The following APBB2 variants were observed in gnomAD, a reference collection of about 807,000 sequenced individuals.
APBB2 encodes the protein Fe65-like 1.
APBB2 carries 38 observed loss-of-function variants against 82.5 expected under a neutral mutation model. The observed-to-expected ratio is 0.46, with a 90% CI of 0.36 to 0.60. The LOEUF is 0.60. Among genes scored for constraint, APBB2 ranks in the 20% least tolerant of loss-of-function variants. The pLI is 0.00. For synonymous variants in APBB2, 341 were observed against 368.2 expected, an observed-to-expected ratio of 0.93 and a Z score of 0.85; for missense variants, 772 against 972.3, an observed-to-expected ratio of 0.79 and a Z score of 2.74.
At chr4:41,078,884 T>C (rs992858325) in intron 3 of APBB2, among the ~76,000 whole-genome samples, 7 of 152,190 alleles carry the variant, frequency 4.6e-5, no homozygotes, top group African/African-American at 1.7e-4. Context: ...GAGAGGCACA[T>C]CTCTCAACAT....
chr4:41,166,670 C>T (rs1446760819), intron 1 of APBB2, among the ~76,000 whole-genome samples: 3 of 151,718 alleles, frequency 2.0e-5, no homozygotes, highest in African/African-American at 4.8e-5. Flanking sequence ...CCGAGGCAGG[C>T]GGATCATTTA....
chr4:40,954,270 A>T (rs1312751267), intron 6 of APBB2, among the ~76,000 whole-genome samples: 1 of 152,246 alleles, frequency 6.6e-6, no homozygotes. Context: ...GTCTAAATTT[A>T]GCAAGGTCTG....
intron 6 of APBB2, among the ~76,000 whole-genome samples, chr4:40,988,018 AT>A (rs1800876090): frequency 6.6e-6 from 1 of 152,238 alleles, no homozygotes; most frequent in Admixed American, 6.5e-5. Flanking sequence ...CTTGTCTGAA[AT>A]ATACGAATAA....
chr4:41,159,966 GAAGAAGAAGA>G (rs1764582711), intron 1 of APBB2, among the ~76,000 whole-genome samples: 4 of 87,130 alleles, frequency 4.6e-5, no homozygotes, highest in Non-Finnish European at 5.2e-5. Context: ...AGAAGGAGAA[GAAGAAGAAGA>G]AGAAGAAGAA....
chr4:40,846,546 G>T (rs920720220), intron 12 of APBB2, among the ~76,000 whole-genome samples: 3 of 152,070 alleles, frequency 2.0e-5, no homozygotes, highest in Non-Finnish European at 4.4e-5. Context: ...TCATCTCAGG[G>T]AAAGGTTCTA....
chr4:40,962,496 C>T (rs1046902964), intron 6 of APBB2, among the ~76,000 whole-genome samples: 1 of 152,160 alleles, frequency 6.6e-6, no homozygotes, highest in Non-Finnish European at 1.5e-5. Context: ...ACAAATTGAA[C>T]AGATCTAAGT....
At chr4:41,141,104 T>C (rs974306258) in intron 2 of APBB2, among the ~76,000 whole-genome samples, 6 of 152,196 alleles carry the variant, frequency 3.9e-5, no homozygotes, top group Non-Finnish European at 5.9e-5. Flanking sequence ...TGGGGACTGC[T>C]GCCCTACACC....
chr4:41,157,971 GAC>G (rs1279538417), intron 1 of APBB2, among the ~76,000 whole-genome samples: 1 of 152,128 alleles, frequency 6.6e-6, no homozygotes. Context: ...CAGTCTGGGC[GAC>G]AGAGTGAGAC....
rs914210693 is a variant in APBB2 at position 40,883,405 on chromosome 4, G to A, written c.1529+6959C>T. Reference sequence around the variant, plus strand: ...AGTTCAAGACCAGCCTGACCAACACGGCGAAACCCCGCCTCTACTAAAAAT... The same window carrying A: ...AGTTCAAGACCAGCCTGACCAACACAGCGAAACCCCGCCTCTACTAAAAAT... On this transcript the variant is annotated intron_variant, in intron 12 of 17. Coordinates refer to ENST00000508593, the MANE Select transcript of APBB2 (RefSeq NM_004307.2). 5.9e-5 allele frequency among the ~76,000 whole-genome samples: 9 copies of A among 151,994 alleles called. No individual in the cohort carries two copies. The East Asian group carries it at 9.6e-4, about 16-fold the overall frequency.
intron 6 of APBB2, among the ~76,000 whole-genome samples, chr4:40,982,786 CAA>C (rs3058140): frequency 0.27 from 39,474 of 146,048 alleles, 5,201 homozygotes; most frequent in Middle Eastern, 0.32. Context: ...GACCCTGTCT[CAA>C]AAAAAAAAAA....
At chr4:41,118,178 A>C (rs1751679278) in intron 2 of APBB2, 1 of 152,250 alleles carries the variant, frequency 6.6e-6, no homozygotes. Context: ...TGTACCACGC[A>C]CTCCAGCCTG....
At chr4:40,915,390 G>C (rs1365525888) in intron 10 of APBB2, among the ~76,000 whole-genome samples, 1 of 152,114 alleles carries the variant, frequency 6.6e-6, no homozygotes. Context: ...TGGAATGTAC[G>C]TTACACAAAG....
In APBB2 at chr4:41,059,977, G is replaced by A. The variant is rs115950558; in HGVS notation, c.-51+5599C>T. Among the ~76,000 whole-genome samples the A allele has an allele frequency of 3.7e-3, 517 of 141,460 alleles. 1 individual carries two copies. The highest frequency in any genetic ancestry group is 0.012 in the African/African-American group (488 of 40,868). The allele number at this position is 141,460 out of a possible 152,430, so 92.8% of individuals were successfully genotyped here. Reference sequence around the variant, plus strand: ...CCTATGTAACAAACAGCAAAACTCCGTCTCAAAAAAAAATAAAATAATAAT... The same window carrying A: ...CCTATGTAACAAACAGCAAAACTCCATCTCAAAAAAAAATAAAATAATAAT... On this transcript the variant is annotated intron_variant, in intron 4 of 17. Coordinates refer to ENST00000508593, the MANE Select transcript of APBB2 (RefSeq NM_004307.2).
intron 3 of APBB2, among the ~76,000 whole-genome samples, chr4:41,096,585 A>G (rs1296323840): frequency 2.0e-5 from 3 of 152,224 alleles, no homozygotes; most frequent in Non-Finnish European, 4.4e-5. Context: ...ACCACTCTCT[A>G]CATTTACCAA....
intron 16 of APBB2, 117 bp from the exon 17 acceptor site, chr4:40,822,167 G>C: frequency 7.9e-7 from 1 of 1,262,320 alleles, no homozygotes; most frequent in Non-Finnish European, 1.1e-6. Context: ...GAAAGGACCT[G>C]TGTTTTTCTC....
intron 1 of APBB2, among the ~76,000 whole-genome samples, chr4:41,183,139 T>C (rs913253340): frequency 2.0e-5 from 3 of 152,194 alleles, no homozygotes; most frequent in African/African-American, 7.2e-5. Context: ...ATATCTAATT[T>C]ATAAGGAAAT....
At chr4:41,163,606 A>G (rs2154042873) in intron 1 of APBB2, among the ~76,000 whole-genome samples, 1 of 152,358 alleles carries the variant, frequency 6.6e-6, no homozygotes, top group South Asian at 2.1e-4. Flanking sequence ...AACAAGCGTC[A>G]GTCAAAAATT....
chr4:41,117,494 T>G (rs2153987538), intron 2 of APBB2, among the ~76,000 whole-genome samples: 1 of 152,224 alleles, frequency 6.6e-6, no homozygotes, highest in East Asian at 1.9e-4. Context: ...GGTTTCACCA[T>G]CTTGGCCAGG....
At chr4:40,994,129 T>C (rs935816161) in intron 6 of APBB2, among the ~76,000 whole-genome samples, 2 of 151,590 alleles carry the variant, frequency 1.3e-5, no homozygotes, top group African/African-American at 4.8e-5. Context: ...TACTAAAAAT[T>C]ACAAAAAATT....
Sources: gnomAD v4.1 joint callset for allele counts (sites outside exome capture counted in the v4.1 genomes callset) on GRCh38, gnomAD v4.1.1 for gene constraint, MANE v1.5 for transcripts, NCBI Gene and HGNC (gene_info 2026-07-23, HGNC 2026-07-21) for gene names.